NXN: variants seen among roughly 807,000 people sequenced by gnomAD.
NXN encodes the protein nucleoredoxin.
In NXN, 16 loss-of-function variants were observed where a neutral mutation model predicts 48.6. That is an observed-to-expected ratio of 0.33 (90% confidence interval 0.22 to 0.50). The LOEUF (loss-of-function observed/expected upper bound fraction) is 0.50, where lower values mean the gene tolerates loss of function less well. Ranked by LOEUF, NXN falls within the 20% of genes least tolerant of loss-of-function variation. The pLI is 0.98. For synonymous variants in NXN, 281 were observed against 269.6 expected (o/e 1.04, Z -0.41); for missense variants, 492 against 605.5 (o/e 0.81, Z 1.97).
At chr17:927,106 G>A (rs1376662225) in intron 1 of NXN, among the ~76,000 whole-genome samples, 2 of 149,932 alleles carry the variant, frequency 1.3e-5, no homozygotes, top group African/African-American at 4.9e-5. Flanking sequence ...GAGGTCAGGA[G>A]ATCGAGACCA....
intron 1 of NXN, among the ~76,000 whole-genome samples, chr17:973,513 T>G (rs747681271): frequency 1.3e-5 from 2 of 152,164 alleles, no homozygotes; most frequent in Non-Finnish European, 2.9e-5. Flanking sequence ...ACTTAAATCT[T>G]TCCCAGGCTT....
intron 7 of NXN, among the ~76,000 whole-genome samples, chr17:801,633 G>A (rs1316819654): frequency 2.0e-5 from 3 of 151,824 alleles, no homozygotes; most frequent in South Asian, 2.1e-4. Flanking sequence ...TAGTAGAGAC[G>A]GGGTTTCACC....
intron 1 of NXN, among the ~76,000 whole-genome samples, chr17:846,030 C>G (rs182587074): frequency 1.3e-5 from 2 of 151,900 alleles, no homozygotes; most frequent in Admixed American, 1.3e-4. Flanking sequence ...TGCAGTGAGC[C>G]GAGATCACAC....
intron 1 of NXN, among the ~76,000 whole-genome samples, chr17:834,011 T>C (rs766182829): frequency 1.6e-4 from 25 of 152,200 alleles, no homozygotes; most frequent in Non-Finnish European, 2.9e-5. Flanking sequence ...GAGAACTCAC[T>C]GTCCTTTTTA....
intron 1 of NXN, among the ~76,000 whole-genome samples, chr17:921,146 C>A (rs182047507): frequency 6.6e-6 from 1 of 152,266 alleles, no homozygotes; most frequent in Admixed American, 6.5e-5. Flanking sequence ...GTTCAGCCAC[C>A]CTCAGAGCAG....
intron 1 of NXN, among the ~76,000 whole-genome samples, chr17:873,255 G>T (rs2068178199): frequency 6.6e-6 from 1 of 152,056 alleles, no homozygotes; most frequent in African/African-American, 2.4e-5. Flanking sequence ...CCAGCACTGT[G>T]GGAGGCCGAG....
chr17:883,944 C>T (rs1010348125), intron 1 of NXN, among the ~76,000 whole-genome samples: 4 of 152,114 alleles, frequency 2.6e-5, no homozygotes, highest in Non-Finnish European at 5.9e-5. Context: ...CTGGGCCGGG[C>T]GCGGTGGCTC....
intron 1 of NXN, among the ~76,000 whole-genome samples, chr17:963,741 A>T (rs1405661354): frequency 6.6e-6 from 1 of 152,124 alleles, no homozygotes; most frequent in Non-Finnish European, 1.5e-5. Context: ...CACTACTAAC[A>T]GTGATGTTAT....
At chr17:928,213 G>A (rs768667113) in intron 1 of NXN, among the ~76,000 whole-genome samples, 1 of 152,150 alleles carries the variant, frequency 6.6e-6, no homozygotes, top group Admixed American at 6.5e-5. Context: ...TCCAGGCAGC[G>A]GGGGTCTCAG....
intron 1 of NXN, among the ~76,000 whole-genome samples, chr17:864,425 A>ACAC (rs1378347253): frequency 6.6e-6 from 1 of 152,236 alleles, no homozygotes; most frequent in Non-Finnish European, 1.5e-5. Flanking sequence ...ATGGGACAAG[A>ACAC]CACCAGCCTC....
intron 1 of NXN, among the ~76,000 whole-genome samples, chr17:931,098 G>A (rs753715269): frequency 1.3e-5 from 2 of 151,994 alleles, no homozygotes; most frequent in Non-Finnish European, 2.9e-5. Context: ...GAGCTAAATC[G>A]ATCTCTAGCC....
intron 1 of NXN, among the ~76,000 whole-genome samples, chr17:871,073 G>A (rs2068147984): frequency 6.6e-6 from 1 of 152,010 alleles, no homozygotes; most frequent in Non-Finnish European, 1.5e-5. Context: ...GTGTTGGCCA[G>A]GATGGTCTCG....
intron 1 of NXN, among the ~76,000 whole-genome samples, chr17:879,353 G>A (rs868460571): frequency 1.9e-4 from 28 of 149,710 alleles, no homozygotes; most frequent in Middle Eastern, 3.4e-3. Flanking sequence ...GCAGTGGCAC[G>A]ATCTCAGCTC....
At chr17:808,676 G>GT (rs5818768) in intron 5 of NXN, among the ~76,000 whole-genome samples, 9,270 of 128,850 alleles carry the variant, frequency 0.072, 674 homozygotes, top group African/African-American at 0.14. Flanking sequence ...TTATAAACCA[G>GT]TTTTTTTTTT....
rs145396329 is a variant in NXN, at chr17:902,290, G to A, written c.361-76212C>T. The stretch of plus-strand genomic sequence containing the variant: ...CTCTGGCGTTCTCAGAAACCGTTCC[G>A]GTAACAGAAAAAGCTTTTTAACTTC... On this transcript the variant is annotated intron_variant, in intron 1 of 7. Transcript: ENST00000336868. 8.5e-5 allele frequency among the ~76,000 whole-genome samples: 13 copies of A among 152,288 alleles called. No individual in the cohort carries two copies. The East Asian group carries it at 2.3e-3, about 27-fold the overall frequency.
intron 1 of NXN, among the ~76,000 whole-genome samples, chr17:950,421 A>T (rs1407321854): frequency 6.6e-6 from 1 of 152,164 alleles, no homozygotes; most frequent in Non-Finnish European, 1.5e-5. Context: ...GATCTTATCC[A>T]AGGCAGGGAA....
chr17:923,146 A>G lies in NXN; in HGVS notation c.360+56173T>C, dbSNP rs370463798. ...AGGACTTCTCTTTGCCTTAGGGACC[A>G]CCACCTGGACGGCGCGGTGGCTCAC... On this transcript the variant is annotated intron_variant, in intron 1 of 7. Coordinates refer to ENST00000336868, the MANE Select transcript of NXN (RefSeq NM_022463.5). 2.7e-3 allele frequency among the ~76,000 whole-genome samples: 413 copies of G among 151,932 alleles called. 1 individual carries two copies. The highest frequency in any genetic ancestry group is 9.4e-3 in the African/African-American group (391 of 41,456).
chr17:940,518 G>GC (rs1367707596), intron 1 of NXN, among the ~76,000 whole-genome samples: 1 of 152,330 alleles, frequency 6.6e-6, no homozygotes, highest in East Asian at 1.9e-4. Context: ...GAGGTCAAAA[G>GC]CCCCTAACGA....
At chr17:970,960 T>C (rs576092159) in intron 1 of NXN, among the ~76,000 whole-genome samples, 4 of 151,740 alleles carry the variant, frequency 2.6e-5, no homozygotes, top group African/African-American at 9.7e-5. Context: ...TTTTTTTTTT[T>C]TTTGACACGG....
Sources: gnomAD v4.1 joint callset for allele counts (sites outside exome capture counted in the v4.1 genomes callset) on GRCh38, gnomAD v4.1.1 for gene constraint, MANE v1.5 for transcripts, NCBI Gene and HGNC (gene_info 2026-07-23, HGNC 2026-07-21) for gene names.